CCNE1: variants seen among roughly 807,000 people sequenced by gnomAD.
CCNE1 encodes cyclin E1.
A neutral mutation model predicts 54.1 loss-of-function variants in CCNE1; 8 were observed. The observed-to-expected ratio is 0.15, with a 90% CI of 0.09 to 0.27. The LOEUF (loss-of-function observed/expected upper bound fraction) is 0.27. Among genes scored for constraint, CCNE1 ranks in the 10% least tolerant of loss-of-function variants. The pLI, the probability that CCNE1 is intolerant of heterozygous loss-of-function variation, is 1.00. For missense variants in CCNE1, 430 were observed against 514.9 expected (o/e 0.84, Z 1.60); for synonymous variants, 179 against 185.2 (o/e 0.97, Z 0.27).
chr19:29,812,270 C>T (rs1452798581), intron 1 of CCNE1, 118 bp downstream of exon 1: 3 of 175,728 alleles, frequency 1.7e-5, no homozygotes, highest in African/African-American at 7.2e-5. Flanking sequence ...CGCGGGGCGC[C>T]CGGGAGGGTG....
intron 4 of CCNE1, 37 bp downstream of exon 4, chr19:29,813,074 T>C (rs1425689913): frequency 6.4e-7 from 1 of 1,572,936 alleles, no homozygotes; most frequent in Admixed American, 1.7e-5. Flanking sequence ...GTGGAGGTCC[T>C]TCTCCCCCTG....
chr19:29,812,441 T>G, intron 1 of CCNE1, 91 bp from the exon 2 acceptor site: 1 of 924,946 alleles, frequency 1.1e-6, no homozygotes, highest in Non-Finnish European at 1.4e-6. Flanking sequence ...GCCATCTTCC[T>G]GGCTCGCCCG....
At position 29,824,075 on chromosome 19, in the gene CCNE1, G is replaced by T; in HGVS notation, c.*298G>T. 1 of 308,676 alleles carries T rather than the reference G, an allele frequency of 3.2e-6. No individual in the cohort carries two copies. The highest frequency in any genetic ancestry group is 6.0e-6 in the Non-Finnish European group (1 of 167,452). The allele number at this position is 308,676 out of a possible 1,614,324, so 19.1% of individuals were successfully genotyped here. On this transcript the variant is annotated 3_prime_UTR_variant, in exon 12 of 12. Transcript: ENST00000262643. ...CTAAGGGACTCCCACAACAACAAAA[G>T]CTTGAAGCTGTGGAGGGCCACGGTG...
At chr19:29,820,648 C>T (rs201798088) in intron 6 of CCNE1, 54 bp from the exon 7 acceptor site, 525 of 1,091,386 alleles carry the variant, frequency 4.8e-4, no homozygotes, top group South Asian at 8.3e-4. Context: ...TTTTTTTTTT[C>T]CCCTCCCTCA....
At chr19:29,817,641 TC>T in intron 6 of CCNE1, 100 bp downstream of exon 6, 1 of 1,259,506 alleles carries the variant, frequency 7.9e-7, no homozygotes, top group Non-Finnish European at 1.2e-6. Flanking sequence ...CGACATGTTC[TC>T]CATCTCTGAA....
intron 8 of CCNE1, 30 bp from the exon 9 acceptor site, chr19:29,821,966 T>C (rs765884002): frequency 6.3e-7 from 1 of 1,596,100 alleles, no homozygotes; most frequent in African/African-American, 1.4e-5. Context: ...TTCTCAATCA[T>C]CGGTCTCTTT....
chr19:29,813,406 C>T (rs1327838311), intron 4 of CCNE1: 8 of 206,346 alleles, frequency 3.9e-5, no homozygotes, highest in Non-Finnish European at 6.8e-5. Flanking sequence ...GTTGGGCTCT[C>T]GGCCTTGTCT....
intron 4 of CCNE1, among the ~76,000 whole-genome samples, chr19:29,815,060 T>C (rs1973980188): frequency 2.0e-5 from 3 of 152,238 alleles, no homozygotes; most frequent in Admixed American, 6.5e-5. Context: ...TGGTGTACAC[T>C]CAAGGACATA....
At chr19:29,820,464 T>A (rs559635151) in intron 6 of CCNE1, among the ~76,000 whole-genome samples, 40 of 151,922 alleles carry the variant, frequency 2.6e-4, no homozygotes, top group African/African-American at 9.2e-4. Context: ...AGCAAGAGAA[T>A]CGCTTGAGCC....
Position 29,823,726 on chromosome 19 carries a change from C to A in CCNE1, c.1182C>A (p.Leu394=). The stretch of plus-strand genomic sequence containing the variant: ...CTTCTCCTCTCCCCAGTGGGCTCCT[C>A]ACCCCGCCACAGAGCGGTAAGAAGC... ...NRASPLPSGL[L]TPPQSGKKQS... Residue 394 remains leucine, a synonymous_variant, in exon 12 of 12, where the codon CTC becomes CTA. Coordinates refer to ENST00000262643, the MANE Select transcript of CCNE1 (RefSeq NM_001238.4). 6.2e-7 allele frequency: 1 copy of A among 1,614,136 alleles called. No individual in the cohort carries two copies. The highest frequency in any genetic ancestry group is 8.5e-7 in the Non-Finnish European group (1 of 1,179,988).
chr19:29,821,614 CCT>C, intron 7 of CCNE1, 106 bp from the exon 8 acceptor site: 1 of 579,546 alleles, frequency 1.7e-6, no homozygotes, highest in South Asian at 2.1e-5. Flanking sequence ...ATCAGTGCGC[CCT>C]CTCTCTTTCC....
chr19:29,814,104 A>G (rs1039263448), intron 4 of CCNE1, among the ~76,000 whole-genome samples: 1 of 152,330 alleles, frequency 6.6e-6, no homozygotes, highest in Non-Finnish European at 1.5e-5. Context: ...TCCACTGACT[A>G]TTGAAGAAAG....
At chr19:29,821,279 C>G (rs941065843) in intron 7 of CCNE1, among the ~76,000 whole-genome samples, 1 of 152,054 alleles carries the variant, frequency 6.6e-6, no homozygotes, top group Admixed American at 6.6e-5. Context: ...CCCAGCTATT[C>G]GGGAGGCTGA....
At chr19:29,821,858 A>T in intron 8 of CCNE1, 41 bp downstream of exon 8, 1 of 1,527,628 alleles carries the variant, frequency 6.5e-7, no homozygotes, top group South Asian at 1.1e-5. Flanking sequence ...TTAAATGCGT[A>T]CGGCAGATCT....
At chr19:29,817,579 T>G in intron 6 of CCNE1, 38 bp downstream of exon 6, 1 of 1,613,124 alleles carries the variant, frequency 6.2e-7, no homozygotes, top group Non-Finnish European at 8.5e-7. Flanking sequence ...ATGAAAGCAC[T>G]GAGCATTTCC....
chr19:29,823,344 G>A (rs1259423747), intron 11 of CCNE1, among the ~76,000 whole-genome samples: 3 of 152,104 alleles, frequency 2.0e-5, no homozygotes, highest in African/African-American at 7.2e-5. Context: ...AGGAGTTCAA[G>A]ACTAGCCAGG....
chr19:29,817,575 G>A lies in CCNE1; in HGVS notation c.462+34G>A, dbSNP rs200788446. On this transcript the variant is annotated intron_variant, in intron 6 of 11. Transcript: ENST00000262643. Reference sequence around the variant, plus strand: ...GAGTCTTCCTGTTCGCTTCATGAAAGCACTGAGCATTTCCAGCATTTTTGT... The same window carrying A: ...GAGTCTTCCTGTTCGCTTCATGAAAACACTGAGCATTTCCAGCATTTTTGT... 4.1e-4 allele frequency: 663 copies of A among 1,613,386 alleles called. 1 individual carries two copies. The Middle Eastern group carries it at 6.1e-3, about 15-fold the overall frequency.
chr19:29,819,792 G>A (rs1599601849), intron 6 of CCNE1, among the ~76,000 whole-genome samples: 1 of 152,140 alleles, frequency 6.6e-6, no homozygotes, highest in African/African-American at 2.4e-5. Context: ...GTGAGAAGTG[G>A]GCTTTTCTTC....
At chr19:29,821,858 A>G (rs1974155449) in intron 8 of CCNE1, 41 bp downstream of exon 8, 3 of 1,527,628 alleles carry the variant, frequency 2.0e-6, no homozygotes, top group Non-Finnish European at 2.7e-6. Context: ...TTAAATGCGT[A>G]CGGCAGATCT....
Sources: gnomAD v4.1 joint callset for allele counts (sites outside exome capture counted in the v4.1 genomes callset) on GRCh38, gnomAD v4.1.1 for gene constraint, MANE v1.5 for transcripts, NCBI Gene and HGNC (gene_info 2026-07-23, HGNC 2026-07-21) for gene names.